Variants in JAK1 observed in about 807,000 individuals in gnomAD.
JAK1 encodes tyrosine-protein kinase JAK1.
Under a neutral mutation model 136.6 loss-of-function variants are expected in JAK1, and 16 were observed. That is an observed-to-expected ratio of 0.12 (90% CI 0.08 to 0.18). The LOEUF (loss-of-function observed/expected upper bound fraction) is 0.18. Ranked by LOEUF, JAK1 falls within the 10% of genes least tolerant of loss-of-function variation. The pLI is 1.00. For missense variants in JAK1, 859 were observed against 1,450.1 expected (o/e 0.59, Z 6.62); for synonymous variants, 492 against 519.5 (o/e 0.95, Z 0.72).
intron 2 of JAK1, among the ~76,000 whole-genome samples, chr1:65,037,157 G>C (rs1040912870): frequency 8.5e-5 from 13 of 152,152 alleles, no homozygotes; most frequent in African/African-American, 3.1e-4. Context: ...CTGCACTCCA[G>C]CCTGGGTGAC....
chr1:64,846,767 AG>A, intron 13 of JAK1, 31 bp from the exon 14 acceptor site: 1 of 1,578,364 alleles, frequency 6.3e-7, no homozygotes, highest in Non-Finnish European at 8.7e-7. Flanking sequence ...GGAATGTCTC[AG>A]GCCAGCCTCC....
At chr1:65,054,203 T>G (rs750044559) in intron 1 of JAK1, among the ~76,000 whole-genome samples, 1 of 152,130 alleles carries the variant, frequency 6.6e-6, no homozygotes, top group Non-Finnish European at 1.5e-5. Context: ...ATTATCAAAT[T>G]TAAGCATGTA....
chr1:64,943,218 T>C (rs1221743135), intron 1 of JAK1, among the ~76,000 whole-genome samples: 3 of 152,168 alleles, frequency 2.0e-5, no homozygotes, highest in Non-Finnish European at 2.9e-5. Flanking sequence ...TTACTTCCCA[T>C]ATAATGGTTC....
Position 65,065,052 on chromosome 1 carries a change from C to G in JAK1, c.-181+2552G>C, listed in dbSNP as rs144359330. On this transcript the variant is annotated intron_variant, in intron 1 of 25. Coordinates refer to the JAK1 transcript ENST00000671954. The stretch of plus-strand genomic sequence containing the variant: ...TACAGTCTTCTCTCCCTTCTCACTC[C>G]CCATGTCAAAGTTCATTGTGTTCCT... 3.6e-4 allele frequency among the ~76,000 whole-genome samples: 55 copies of G among 152,166 alleles called. 1 individual carries two copies. The highest frequency in any genetic ancestry group is 6.8e-4 in the Non-Finnish European group (46 of 68,024).
intron 2 of JAK1, among the ~76,000 whole-genome samples, chr1:65,014,934 C>T (rs1198774181): frequency 1.3e-5 from 2 of 152,138 alleles, no homozygotes; most frequent in Non-Finnish European, 2.9e-5. Context: ...ATCCACCCGC[C>T]TCGGCCTCCC....
intron 4 of JAK1, among the ~76,000 whole-genome samples, chr1:64,875,391 A>G (rs1278711262): frequency 6.6e-6 from 1 of 152,250 alleles, no homozygotes; most frequent in African/African-American, 2.4e-5. Flanking sequence ...AGAGAGAAGC[A>G]GATGCCTGTG....
upstream of JAK1, among the ~76,000 whole-genome samples, chr1:64,968,857 G>A (rs911238756): frequency 3.3e-5 from 5 of 151,442 alleles, no homozygotes; most frequent in Admixed American, 6.6e-5. Flanking sequence ...GCTTGAAGCC[G>A]GGAGGCAGAG....
At chr1:65,055,872 T>TC (rs1647511697) in intron 1 of JAK1, among the ~76,000 whole-genome samples, 1 of 152,150 alleles carries the variant, frequency 6.6e-6, no homozygotes, top group Non-Finnish European at 1.5e-5. Context: ...ACTCAGTTCT[T>TC]CAACACCCCA....
chr1:65,038,889 T>C (rs473780), intron 2 of JAK1, among the ~76,000 whole-genome samples: 21,296 of 151,506 alleles, frequency 0.14, 1,889 homozygotes, highest in East Asian at 0.33. Context: ...CTGCCCACCT[T>C]GGCCTCCCAA....
chr1:65,067,133 G>GGAGGC (rs1648088094), intron 1 of JAK1, among the ~76,000 whole-genome samples: 1 of 151,648 alleles, frequency 6.6e-6, no homozygotes, highest in African/African-American at 2.4e-5. Context: ...CCCGGAGTGC[G>GGAGGC]GAGGCCCGGC....
At chr1:64,876,995 GAA>G (rs1200790598) in intron 4 of JAK1, among the ~76,000 whole-genome samples, 1 of 152,100 alleles carries the variant, frequency 6.6e-6, no homozygotes, top group Non-Finnish European at 1.5e-5. Flanking sequence ...AAAAAAGCAA[GAA>G]AATATTTTTT....
intron 2 of JAK1, among the ~76,000 whole-genome samples, chr1:65,016,645 TCCCAA>T (rs1011227477): frequency 4.6e-5 from 7 of 152,018 alleles, no homozygotes; most frequent in African/African-American, 1.7e-4. Context: ...ACGCCTGTAA[TCCCAA>T]CACTTTGGGA....
At chr1:65,005,542 G>T (rs1170089750) in intron 2 of JAK1, among the ~76,000 whole-genome samples, 1 of 152,082 alleles carries the variant, frequency 6.6e-6, no homozygotes, top group Non-Finnish European at 1.5e-5. Flanking sequence ...CTAGAAGAGA[G>T]AATTTTGAAT....
intron 1 of JAK1, among the ~76,000 whole-genome samples, chr1:64,944,242 A>AAAT (rs1294914759): frequency 6.6e-6 from 1 of 151,654 alleles, no homozygotes; most frequent in Admixed American, 6.6e-5. Flanking sequence ...AAAAAAAAAA[A>AAAT]AGTTTAAATG....
chr1:65,017,819 C>CTT (rs943732294), intron 2 of JAK1, among the ~76,000 whole-genome samples: 1 of 142,592 alleles, frequency 7.0e-6, no homozygotes, highest in Admixed American at 7.0e-5. Context: ...TGAACTCTGC[C>CTT]TTTTTTTTTT....
At chr1:65,029,117 G>T (rs146036801) in intron 2 of JAK1, among the ~76,000 whole-genome samples, 1 of 151,474 alleles carries the variant, frequency 6.6e-6, no homozygotes, top group African/African-American at 2.4e-5. Context: ...TTTCTCCTGA[G>T]ACAGGGTCTC....
chr1:65,018,854 C>T (rs1442114338), intron 2 of JAK1, among the ~76,000 whole-genome samples: 1 of 151,752 alleles, frequency 6.6e-6, no homozygotes, highest in Non-Finnish European at 1.5e-5. Context: ...ACTAAAAATA[C>T]GAAAAAATTA....
At chr1:64,913,255 T>G (rs1338448506) in intron 1 of JAK1, among the ~76,000 whole-genome samples, 2 of 152,150 alleles carry the variant, frequency 1.3e-5, no homozygotes, top group Non-Finnish European at 2.9e-5. Context: ...TCCATATAAT[T>G]TACTGTACCA....
In JAK1 at chr1:65,060,509, T is replaced by C. The variant is rs548454553; in HGVS notation, c.-181+7095A>G. Reference sequence around the variant, plus strand: ...ACTGCAAAGTTGAAATTCACTCTACTAGCCATCACCAAAACCCATGCAACA... The same window carrying C: ...ACTGCAAAGTTGAAATTCACTCTACCAGCCATCACCAAAACCCATGCAACA... On this transcript the variant is annotated intron_variant, in intron 1 of 25. Transcript: ENST00000671954. 3.3e-5 allele frequency among the ~76,000 whole-genome samples: 5 copies of C among 152,256 alleles called. No individual in the cohort carries two copies. The South Asian group carries it at 8.3e-4, about 25-fold the overall frequency.
Sources: allele counts gnomAD v4.1 joint callset (sites outside exome capture counted in the v4.1 genomes callset), GRCh38; gene constraint gnomAD v4.1.1; transcripts MANE v1.5; gene names NCBI Gene and HGNC (gene_info 2026-07-23, HGNC 2026-07-21).